The following EPHA6 variants were observed in gnomAD, a reference collection of about 807,000 sequenced individuals.
EPHA6 encodes ephrin type-A receptor 6.
In EPHA6, 50 loss-of-function variants were observed where a neutral mutation model predicts 112.0. The ratio of observed to expected loss-of-function variants is 0.45; its 90% CI spans 0.36 to 0.56. EPHA6 has a LOEUF of 0.56. Among genes scored for constraint, EPHA6 ranks in the 20% least tolerant of loss-of-function variants. EPHA6 has a pLI of 0.00. For synonymous variants in EPHA6, 529 were observed against 490.7 expected, an observed-to-expected ratio of 1.08 and a Z score of -1.03; for missense variants, 1,280 against 1,417.4, an observed-to-expected ratio of 0.90 and a Z score of 1.56.
At chr3:97,141,928 G>C (rs536221573) in intron 3 of EPHA6, among the ~76,000 whole-genome samples, 276 of 152,072 alleles carry the variant, frequency 1.8e-3, no homozygotes, top group Middle Eastern at 6.8e-3. Flanking sequence ...GGTGGTGCTT[G>C]CAGCTGCAGT....
At chr3:96,938,208 A>G (rs945272837) in intron 2 of EPHA6, among the ~76,000 whole-genome samples, 1 of 152,082 alleles carries the variant, frequency 6.6e-6, no homozygotes, top group African/African-American at 2.4e-5. Context: ...CAGTATGGCC[A>G]TTTTCACGAT....
intron 6 of EPHA6, among the ~76,000 whole-genome samples, chr3:97,409,901 ATG>A (rs1465304506): frequency 6.6e-6 from 1 of 152,102 alleles, no homozygotes; most frequent in Non-Finnish European, 1.5e-5. Context: ...ATATGAAATG[ATG>A]AATTAATATA....
chr3:96,898,492 A>G (rs1313424815), intron 2 of EPHA6, among the ~76,000 whole-genome samples: 2 of 152,184 alleles, frequency 1.3e-5, no homozygotes, highest in African/African-American at 4.8e-5. Flanking sequence ...TTATCATTCA[A>G]AATTGTAAAA....
chr3:97,685,609 C>A (rs369422488), intron 14 of EPHA6, among the ~76,000 whole-genome samples: 1 of 152,136 alleles, frequency 6.6e-6, no homozygotes, highest in Non-Finnish European at 1.5e-5. Flanking sequence ...TGACAAATAG[C>A]ACACTGACTC....
intron 11 of EPHA6, among the ~76,000 whole-genome samples, chr3:97,577,480 T>TA (rs1165224086): frequency 6.6e-6 from 1 of 152,082 alleles, no homozygotes; most frequent in Non-Finnish European, 1.5e-5. Flanking sequence ...CATCTAAGCA[T>TA]CAGGCATTGA....
intron 2 of EPHA6, among the ~76,000 whole-genome samples, chr3:96,980,981 G>T (rs1188661379): frequency 7.2e-5 from 11 of 151,882 alleles, no homozygotes; most frequent in Non-Finnish European, 1.0e-4. Flanking sequence ...AAATATACAA[G>T]CATGTCATCT....
intron 3 of EPHA6, among the ~76,000 whole-genome samples, chr3:97,186,340 T>C (rs1226242961): frequency 1.3e-5 from 2 of 152,166 alleles, no homozygotes; most frequent in African/African-American, 2.4e-5. Context: ...TTACTGGTAC[T>C]ATTCTCAGAA....
intron 14 of EPHA6, among the ~76,000 whole-genome samples, chr3:97,717,901 G>A (rs2034322625): frequency 6.6e-6 from 1 of 152,096 alleles, no homozygotes; most frequent in Admixed American, 6.5e-5. Context: ...TCATTTATAG[G>A]TGAATGAGTA....
chr3:97,328,001 G>T (rs1005012351), intron 5 of EPHA6, among the ~76,000 whole-genome samples: 1 of 119,856 alleles, frequency 8.3e-6, no homozygotes. Flanking sequence ...ATATGTGTAT[G>T]TATATGTATA....
intron 11 of EPHA6, among the ~76,000 whole-genome samples, chr3:97,543,059 A>C (rs1335456677): frequency 6.6e-6 from 1 of 152,060 alleles, no homozygotes; most frequent in South Asian, 2.1e-4. Context: ...TGTTCAGTCT[A>C]ATGGTAGTTT....
chr3:96,854,201 A>G (rs954539699), intron 1 of EPHA6, among the ~76,000 whole-genome samples: 4 of 134,968 alleles, frequency 3.0e-5, no homozygotes, highest in African/African-American at 1.1e-4. Flanking sequence ...TTTTTTTGAG[A>G]TGGAGTCTCG....
chr3:97,483,881 T>G (rs755587615), intron 9 of EPHA6, 53 bp from the exon 10 acceptor site: 5 of 1,535,706 alleles, frequency 3.3e-6, no homozygotes, highest in Non-Finnish European at 4.4e-6. Context: ...TCACAAGATA[T>G]AGACCACTGA....
intron 6 of EPHA6, among the ~76,000 whole-genome samples, chr3:97,430,363 A>G (rs1344796800): frequency 1.3e-5 from 2 of 152,130 alleles, no homozygotes; most frequent in Non-Finnish European, 2.9e-5. Context: ...CCTAGAAGTG[A>G]TTTTAGGGGA....
chr3:96,991,692 C>T (rs1253806344), intron 3 of EPHA6, among the ~76,000 whole-genome samples: 1 of 152,174 alleles, frequency 6.6e-6, no homozygotes, highest in African/African-American at 2.4e-5. Context: ...AAAGGTTTAT[C>T]ACATTAGGAC....
chr3:97,614,213 A>G (rs1348371892), intron 13 of EPHA6, among the ~76,000 whole-genome samples: 1 of 152,134 alleles, frequency 6.6e-6, no homozygotes, highest in African/African-American at 2.4e-5. Flanking sequence ...CCTTTGTTTT[A>G]TAACATTTGT....
At chr3:96,995,938 C>G (rs62263736) in intron 3 of EPHA6, among the ~76,000 whole-genome samples, 22,780 of 152,038 alleles carry the variant, frequency 0.15, 2,245 homozygotes, top group Non-Finnish European at 0.22. Flanking sequence ...CTTCAGTTGA[C>G]TCTTTCATGA....
chr3:96,956,994 C>A (rs2041788829), intron 2 of EPHA6, among the ~76,000 whole-genome samples: 1 of 149,512 alleles, frequency 6.7e-6, no homozygotes, highest in Non-Finnish European at 1.5e-5. Context: ...GATTGCACCA[C>A]TGCACTCCAG....
At chr3:97,193,652 G>C (rs542729835) in intron 3 of EPHA6, among the ~76,000 whole-genome samples, 1 of 151,768 alleles carries the variant, frequency 6.6e-6, no homozygotes, top group African/African-American at 2.4e-5. Context: ...GATTGCTCTA[G>C]GTAGGACTTG....
At chr3:97,273,976 A>T (rs1406449116) in intron 5 of EPHA6, among the ~76,000 whole-genome samples, 4 of 152,178 alleles carry the variant, frequency 2.6e-5, no homozygotes, top group Non-Finnish European at 5.9e-5. Flanking sequence ...CTTTATGTGT[A>T]GGAAAGGGAG....
Sources: allele counts gnomAD v4.1 joint callset (sites outside exome capture counted in the v4.1 genomes callset), GRCh38; gene constraint gnomAD v4.1.1; transcripts MANE v1.5; gene names NCBI Gene and HGNC (gene_info 2026-07-23, HGNC 2026-07-21).